The following GYPC variants were observed in gnomAD, a reference collection of about 807,000 sequenced individuals.
The protein encoded by GYPC is glycophorin-C.
GYPC carries 14 observed loss-of-function variants against 12.6 expected under a neutral mutation model. The observed-to-expected ratio is 1.11, with a 90% confidence interval of 0.74 to 1.74. GYPC has a LOEUF of 1.74. Ranked by LOEUF, GYPC falls within the 40% of genes most tolerant of loss-of-function variation. The pLI is 0.00. For missense variants in GYPC, 225 were observed against 172.1 expected (o/e 1.31, Z -1.72); for synonymous variants, 78 against 62.1 (o/e 1.26, Z -1.20).
intron 1 of GYPC, among the ~76,000 whole-genome samples, chr2:126,681,409 A>G (rs1300091519): frequency 1.3e-5 from 2 of 151,876 alleles, no homozygotes; most frequent in Non-Finnish European, 2.9e-5. Flanking sequence ...TCTCTCTTCA[A>G]TTTTTCATTT....
At chr2:126,691,182 C>T (rs1683451881) in intron 2 of GYPC, among the ~76,000 whole-genome samples, 2 of 151,078 alleles carry the variant, frequency 1.3e-5, no homozygotes, top group South Asian at 4.1e-4. Context: ...GCAGTCCCTC[C>T]CCAAGGCCTC....
intron 2 of GYPC, among the ~76,000 whole-genome samples, chr2:126,690,655 G>A (rs1035575816): frequency 3.9e-5 from 6 of 152,224 alleles, no homozygotes; most frequent in East Asian, 3.9e-4. Context: ...TGAGGGTGGA[G>A]GTGAGATGAG....
intron 1 of GYPC, chr2:126,685,938 CA>C: frequency 1.0e-6 from 1 of 985,284 alleles, no homozygotes; most frequent in Non-Finnish European, 1.2e-6. Flanking sequence ...AAGCCATCCT[CA>C]CTCTCAACTC....
intron 1 of GYPC, among the ~76,000 whole-genome samples, chr2:126,689,965 A>C (rs965868693): frequency 6.6e-6 from 1 of 152,204 alleles, no homozygotes; most frequent in Admixed American, 6.5e-5. Context: ...CATCTACCAC[A>C]TGCAGGCACC....
intron 1 of GYPC, among the ~76,000 whole-genome samples, chr2:126,671,883 A>G (rs2104781846): frequency 6.6e-6 from 1 of 152,306 alleles, no homozygotes; most frequent in Middle Eastern, 3.4e-3. Flanking sequence ...AGGGGGTGCC[A>G]TCTTATAGGG....
chr2:126,674,484 G>A (rs888291719), intron 1 of GYPC, among the ~76,000 whole-genome samples: 17 of 152,150 alleles, frequency 1.1e-4, no homozygotes, highest in South Asian at 2.1e-4. Flanking sequence ...CGGCAAGGCC[G>A]CGGGTGGAGA....
intron 1 of GYPC, among the ~76,000 whole-genome samples, chr2:126,680,705 G>A (rs1683128285): frequency 6.6e-6 from 1 of 152,176 alleles, no homozygotes; most frequent in East Asian, 1.9e-4. Context: ...CCAGGGAAAG[G>A]GTGAAAGGAG....
chr2:126,667,098 T>C (rs1387624526), intron 1 of GYPC, among the ~76,000 whole-genome samples: 2 of 152,232 alleles, frequency 1.3e-5, no homozygotes, highest in Admixed American at 6.5e-5. Flanking sequence ...TAGCCTCTTC[T>C]GTCTGCTTGT....
At chr2:126,669,245 A>G (rs534915710) in intron 1 of GYPC, among the ~76,000 whole-genome samples, 46 of 152,346 alleles carry the variant, frequency 3.0e-4, no homozygotes, top group African/African-American at 1.0e-3. Flanking sequence ...GCTGATGTCC[A>G]GAGCTCACTA....
At position 126,693,281 on chromosome 2, in the gene GYPC, A is replaced by G. The variant is rs112601123; in HGVS notation, c.107-583A>G. On this transcript the variant is annotated intron_variant, in intron 2 of 3. Coordinates refer to ENST00000259254, the MANE Select transcript of GYPC (RefSeq NM_002101.5). ...CTTTCTAAACTCTCTTGCTTTCTAT[A>G]TCACCTTGTGGTCTCTTTGCGAATG... 6.4e-3 allele frequency among the ~76,000 whole-genome samples: 980 copies of G among 152,320 alleles called. 3 individuals are homozygous for G. Among genetic ancestry groups the G allele is most frequent in the Non-Finnish European group, 0.011 (760 of 68,034 alleles).
chr2:126,659,772 TTTC>T (rs1274384621), intron 1 of GYPC, among the ~76,000 whole-genome samples: 1 of 151,322 alleles, frequency 6.6e-6, no homozygotes, highest in Non-Finnish European at 1.5e-5. Flanking sequence ...TTTCTTTTTC[TTTC>T]TTTTCTTTTT....
chr2:126,683,599 G>A (rs1437968499), intron 1 of GYPC, among the ~76,000 whole-genome samples: 1 of 152,240 alleles, frequency 6.6e-6, no homozygotes, highest in Non-Finnish European at 1.5e-5. Flanking sequence ...AACTGAGGCA[G>A]ATTGGTTATG....
intron 1 of GYPC, among the ~76,000 whole-genome samples, chr2:126,660,656 G>A (rs1682509787): frequency 1.3e-5 from 2 of 152,138 alleles, no homozygotes; most frequent in South Asian, 4.1e-4. Context: ...TTTGAGGCAG[G>A]TGGATGATTG....
intron 1 of GYPC, among the ~76,000 whole-genome samples, chr2:126,687,055 TG>T (rs1204704462): frequency 6.6e-6 from 1 of 152,112 alleles, no homozygotes; most frequent in African/African-American, 2.4e-5. Context: ...GCTAGCTGAA[TG>T]GGTACAGTGT....
intron 1 of GYPC, among the ~76,000 whole-genome samples, chr2:126,675,271 G>A (rs566404253): frequency 6.6e-6 from 1 of 152,324 alleles, no homozygotes; most frequent in East Asian, 1.9e-4. Flanking sequence ...TATTTTGTAT[G>A]TAAATGTAGA....
At chr2:126,657,390 C>T (rs1360386253) in intron 1 of GYPC, among the ~76,000 whole-genome samples, 1 of 152,240 alleles carries the variant, frequency 6.6e-6, no homozygotes, top group African/African-American at 2.4e-5. Context: ...GGCAGCCTCT[C>T]TTAGCTCCAG....
At chr2:126,691,600 T>G (rs1475280740) in intron 2 of GYPC, among the ~76,000 whole-genome samples, 1 of 152,124 alleles carries the variant, frequency 6.6e-6, no homozygotes, top group East Asian at 1.9e-4. Context: ...TAGCCTCATT[T>G]TTCCCCCTGT....
intron 1 of GYPC, among the ~76,000 whole-genome samples, chr2:126,657,201 C>T (rs201781286): frequency 1.3e-5 from 2 of 152,244 alleles, no homozygotes; most frequent in East Asian, 3.8e-4. Context: ...CCTCACCCCT[C>T]ACCCCGCCTG....
intron 1 of GYPC, among the ~76,000 whole-genome samples, chr2:126,675,159 C>T (rs1205676106): frequency 6.6e-6 from 1 of 152,154 alleles, no homozygotes; most frequent in African/African-American, 2.4e-5. Flanking sequence ...CCAGGGTGGA[C>T]GGACCCTTCG....
Sources: allele counts gnomAD v4.1 joint callset (sites outside exome capture counted in the v4.1 genomes callset), GRCh38; gene constraint gnomAD v4.1.1; transcripts MANE v1.5; gene names NCBI Gene and HGNC (gene_info 2026-07-23, HGNC 2026-07-21).